The following NCKAP1 variants were observed in gnomAD, a reference collection of about 807,000 sequenced individuals.
NCKAP1 encodes nck-associated protein 1.
Under a neutral mutation model 151.2 loss-of-function variants are expected in NCKAP1, and 21 were observed. That is an observed-to-expected ratio of 0.14 (90% CI 0.10 to 0.20). NCKAP1 has a LOEUF of 0.20. Among genes scored for constraint, NCKAP1 ranks in the 10% least tolerant of loss-of-function variants. The pLI, the probability that NCKAP1 is intolerant of heterozygous loss-of-function variation, is 1.00. For missense variants in NCKAP1, 933 were observed against 1,352.1 expected, an observed-to-expected ratio of 0.69 and a Z score of 4.86; for synonymous variants, 484 against 451.8, an observed-to-expected ratio of 1.07 and a Z score of -0.90.
chr2:182,952,524 T>C (rs1479725235), intron 22 of NCKAP1, 22 bp from the exon 23 acceptor site: 8 of 1,512,890 alleles, frequency 5.3e-6, no homozygotes, highest in Non-Finnish European at 7.3e-6. Flanking sequence ...CATACTTAAT[T>C]TTATACTTCC....
At chr2:183,000,867 T>G (rs1277289778) in intron 6 of NCKAP1, among the ~76,000 whole-genome samples, 8 of 151,630 alleles carry the variant, frequency 5.3e-5, no homozygotes, top group Non-Finnish European at 4.4e-5. Context: ...CTGAGGTGGG[T>G]GGATTGCCTG....
At chr2:182,997,745 C>G (rs1157640688) in intron 6 of NCKAP1, among the ~76,000 whole-genome samples, 3 of 152,132 alleles carry the variant, frequency 2.0e-5, no homozygotes, top group Non-Finnish European at 4.4e-5. Context: ...CACATAGATT[C>G]ACAGCTGAAC....
intron 10 of NCKAP1, among the ~76,000 whole-genome samples, chr2:182,985,751 C>T (rs745700495): frequency 3.4e-5 from 5 of 145,314 alleles, no homozygotes; most frequent in East Asian, 2.0e-4. Flanking sequence ...TGCAGTGAGC[C>T]GAGATGGTAT....
At chr2:183,022,011 A>C (rs1698806275) in intron 2 of NCKAP1, among the ~76,000 whole-genome samples, 1 of 152,208 alleles carries the variant, frequency 6.6e-6, no homozygotes, top group Non-Finnish European at 1.5e-5. Context: ...TTAGAAAGAG[A>C]AGTAAAACTA....
At chr2:183,029,496 T>C (rs557650746) in intron 1 of NCKAP1, among the ~76,000 whole-genome samples, 18 of 151,252 alleles carry the variant, frequency 1.2e-4, no homozygotes, top group African/African-American at 4.4e-4. Context: ...AATTCCTCTA[T>C]CTATTCACAA....
At chr2:183,004,499 A>C (rs1465277228) in intron 2 of NCKAP1, among the ~76,000 whole-genome samples, 13 of 151,686 alleles carry the variant, frequency 8.6e-5, no homozygotes, top group Non-Finnish European at 1.5e-5. Flanking sequence ...AAAAAAAAAA[A>C]AAAAAAAACA....
rs368661145 is a variant in NCKAP1 at position 182,934,824 on chromosome 2, G to C, written c.2787C>G (p.Ser929=). 3 of 1,464,056 alleles carry C rather than the reference G, an allele frequency of 2.0e-6. No homozygotes were observed. In the South Asian group the frequency reaches 3.6e-5, roughly 17 times the overall value. 90.7% of individuals were successfully genotyped at this position (1,464,056 alleles called of 1,614,324 possible). A position where few individuals can be genotyped will look rare whatever the true frequency, so the allele number is the denominator to read the frequency against. Residue 929 remains serine (S), a synonymous_variant, in exon 26 of 31, where the codon TCC becomes TCG. Coordinates refer to ENST00000361354, the MANE Select transcript of NCKAP1 (RefSeq NM_013436.5). ...AACTTACAAGAAAAGGAATGTGGTA[G>C]GATAAGACCTAGGCAGGATAACAAA... is the stretch of plus-strand genomic sequence containing the variant. The part of the protein sequence containing the change: ...LAQEALRDVL[S]YHIPFLVSSI...
chr2:182,929,844 G>A (rs1255042091), intron 27 of NCKAP1, among the ~76,000 whole-genome samples: 1 of 151,096 alleles, frequency 6.6e-6, no homozygotes, highest in African/African-American at 2.4e-5. Flanking sequence ...AGTAGAAAGA[G>A]ATGAAATGCT....
chr2:183,015,140 T>C (rs372240673), intron 2 of NCKAP1, among the ~76,000 whole-genome samples: 1 of 152,292 alleles, frequency 6.6e-6, no homozygotes, highest in East Asian at 1.9e-4. Flanking sequence ...TATAGTTTAG[T>C]ATGACAAAAA....
chr2:182,946,875 A>C (rs1224366082), intron 23 of NCKAP1, among the ~76,000 whole-genome samples: 1 of 152,214 alleles, frequency 6.6e-6, no homozygotes, highest in Non-Finnish European at 1.5e-5. Context: ...AATGGAGATA[A>C]AATGCAGAAG....
chr2:182,987,137 G>A (rs1698072870), intron 9 of NCKAP1, among the ~76,000 whole-genome samples: 1 of 152,158 alleles, frequency 6.6e-6, no homozygotes, highest in African/African-American at 2.4e-5. Context: ...AACTACTTGG[G>A]AGGCTGAGGC....
intron 1 of NCKAP1, among the ~76,000 whole-genome samples, chr2:183,024,675 A>C (rs1157188331): frequency 6.6e-6 from 1 of 152,238 alleles, no homozygotes; most frequent in Non-Finnish European, 1.5e-5. Context: ...ATAATCTTGA[A>C]TACTGTTCCT....
intron 20 of NCKAP1, among the ~76,000 whole-genome samples, chr2:182,955,143 T>G (rs978805398): frequency 6.6e-6 from 1 of 152,190 alleles, no homozygotes; most frequent in Non-Finnish European, 1.5e-5. Context: ...AACTGATAAT[T>G]TAACACTCAA....
Position 182,981,337 on chromosome 2 carries a change from T to G in NCKAP1, c.1248A>C (p.Arg416Ser). 1 of 1,613,040 alleles carries G rather than the reference T, an allele frequency of 6.2e-7. No homozygotes were observed. Among genetic ancestry groups the G allele is most frequent in the Non-Finnish European group, 8.5e-7 (1 of 1,179,152 alleles). Residue 416 changes from arginine (R) to serine (S), a missense_variant, in exon 13 of 31, where the codon AGA (arginine) becomes AGC (serine). Arg to Ser is a moderately radical substitution (Grantham distance 110). This residue lies in a region of NCKAP1 where 607 missense variants were observed against 795.0 expected (regional missense o/e 0.76). Coordinates refer to ENST00000361354, the MANE Select transcript of NCKAP1 (RefSeq NM_013436.5). ...CAGGTCCGTATTTCCTCACATGTGC[T>G]CTAAGTTCTTCCATGTAAAATATTA... is the stretch of plus-strand genomic sequence containing the variant. Reference protein sequence around the residue: ...AELIFYMEELRAHVRKYGPVM... With the variant: ...AELIFYMEELSAHVRKYGPVM...
At chr2:182,976,089 A>G (rs1159590301) in intron 15 of NCKAP1, among the ~76,000 whole-genome samples, 1 of 152,198 alleles carries the variant, frequency 6.6e-6, no homozygotes, top group Non-Finnish European at 1.5e-5. Context: ...CTTCACAATG[A>G]GTCAAATGAC....
intron 1 of NCKAP1, 21 bp downstream of exon 1, chr2:183,037,971 G>T: frequency 6.4e-7 from 1 of 1,559,744 alleles, no homozygotes. Flanking sequence ...CTCCGCCGCG[G>T]CCTCCCCGGC....
chr2:183,013,318 G>A (rs1233310857), intron 2 of NCKAP1, among the ~76,000 whole-genome samples: 2 of 152,030 alleles, frequency 1.3e-5, no homozygotes, highest in Admixed American at 6.6e-5. Flanking sequence ...GAGCTACTGA[G>A]TACTTCCCCC....
chr2:182,964,625 A>C, intron 17 of NCKAP1, 51 bp downstream of exon 17: 1 of 1,433,192 alleles, frequency 7.0e-7, no homozygotes. Flanking sequence ...TACAGGTTTG[A>C]TCTAGTTTAC....
intron 15 of NCKAP1, among the ~76,000 whole-genome samples, chr2:182,967,899 T>G (rs1399507968): frequency 6.6e-6 from 1 of 152,102 alleles, no homozygotes; most frequent in Non-Finnish European, 1.5e-5. Context: ...CGAAAATCAT[T>G]AAGATAGGTT....
Sources: gnomAD v4.1 joint callset for allele counts (sites outside exome capture counted in the v4.1 genomes callset) on GRCh38, gnomAD v4.1.1 for gene constraint, gnomAD v4.1.1 regional missense constraint, MANE v1.5 for transcripts, NCBI Gene and HGNC (gene_info 2026-07-23, HGNC 2026-07-21) for gene names.